Variants in CPQ observed in about 807,000 individuals in gnomAD.
CPQ encodes carboxypeptidase Q.
In CPQ, 37 loss-of-function variants were observed where a neutral mutation model predicts 45.7. The observed-to-expected ratio is 0.81, with a 90% CI of 0.62 to 1.07. The LOEUF (loss-of-function observed/expected upper bound fraction) is 1.07, where lower values mean the gene tolerates loss of function less well. CPQ is among the 50% of genes least tolerant of loss of function. The pLI is 0.00. For synonymous variants in CPQ, 186 were observed against 205.8 expected (o/e 0.90, Z 0.82); for missense variants, 537 against 572.9 (o/e 0.94, Z 0.64).
chr8:97,077,583 C>A (rs1392851879), intron 7 of CPQ, among the ~76,000 whole-genome samples: 1 of 152,178 alleles, frequency 6.6e-6, no homozygotes, highest in Non-Finnish European at 1.5e-5. Context: ...CAAATTTTAA[C>A]TTTTTATAAT....
chr8:97,081,231 A>G (rs1810945198), intron 7 of CPQ, among the ~76,000 whole-genome samples: 1 of 152,166 alleles, frequency 6.6e-6, no homozygotes, highest in Admixed American at 6.6e-5. Flanking sequence ...CACTGCAGAA[A>G]TAAAGCCATT....
chr8:97,027,258 G>A (rs953099804), intron 5 of CPQ, among the ~76,000 whole-genome samples: 7 of 152,026 alleles, frequency 4.6e-5, no homozygotes, highest in African/African-American at 1.7e-4. Flanking sequence ...ATGAATGTGG[G>A]CAGGTGGTTT....
chr8:96,679,686 T>C (rs1481238496), intron 1 of CPQ, among the ~76,000 whole-genome samples: 1 of 152,070 alleles, frequency 6.6e-6, no homozygotes, highest in Non-Finnish European at 1.5e-5. Context: ...TCTAAGTTTT[T>C]CCATTTGTTA....
At chr8:97,065,396 C>T (rs765556584) in intron 6 of CPQ, among the ~76,000 whole-genome samples, 1 of 152,182 alleles carries the variant, frequency 6.6e-6, no homozygotes, top group African/African-American at 2.4e-5. Flanking sequence ...ATTAACAGTG[C>T]TGTGGTTTTA....
At chr8:96,940,812 G>T (rs1285114520) in intron 4 of CPQ, among the ~76,000 whole-genome samples, 2 of 152,026 alleles carry the variant, frequency 1.3e-5, no homozygotes, top group Non-Finnish European at 2.9e-5. Flanking sequence ...AGTCTTCTTT[G>T]GTAATTTAAT....
intron 7 of CPQ, among the ~76,000 whole-genome samples, chr8:97,123,273 G>A (rs918595978): frequency 3.8e-4 from 53 of 139,416 alleles, no homozygotes; most frequent in African/African-American, 1.3e-3. Context: ...AAATAAAATA[G>A]TGAGTAAATA....
intron 7 of CPQ, among the ~76,000 whole-genome samples, chr8:97,127,443 T>G (rs927848462): frequency 5.3e-5 from 8 of 152,176 alleles, no homozygotes; most frequent in African/African-American, 1.9e-4. Flanking sequence ...CTCCCAACAC[T>G]TTGGGAGGCC....
chr8:96,934,629 C>A (rs1206794541), intron 4 of CPQ, among the ~76,000 whole-genome samples: 1 of 152,126 alleles, frequency 6.6e-6, no homozygotes, highest in Admixed American at 6.5e-5. Context: ...GAGCAACCCA[C>A]GTTTTTTGCC....
intron 7 of CPQ, among the ~76,000 whole-genome samples, chr8:97,074,679 G>T (rs1250123287): frequency 6.6e-6 from 1 of 152,136 alleles, no homozygotes; most frequent in African/African-American, 2.4e-5. Flanking sequence ...GCTGAGGCAG[G>T]AGAATCGCTT....
intron 6 of CPQ, among the ~76,000 whole-genome samples, chr8:97,058,271 A>AT (rs1434598030): frequency 6.6e-6 from 1 of 152,018 alleles, no homozygotes; most frequent in Non-Finnish European, 1.5e-5. Context: ...GATGAGTACT[A>AT]TTTTTTTAAA....
intron 1 of CPQ, among the ~76,000 whole-genome samples, chr8:96,763,201 A>G (rs1303672524): frequency 2.6e-5 from 4 of 152,174 alleles, no homozygotes; most frequent in Admixed American, 6.5e-5. Context: ...CTATTTCCAA[A>G]TGCAGTCATA....
intron 2 of CPQ, among the ~76,000 whole-genome samples, chr8:96,817,136 G>A (rs1018419485): frequency 6.6e-6 from 1 of 152,144 alleles, no homozygotes; most frequent in Non-Finnish European, 1.5e-5. Flanking sequence ...AGGCTGTTTT[G>A]TCTACATTGA....
intron 2 of CPQ, among the ~76,000 whole-genome samples, chr8:96,792,548 T>TA (rs1810862103): frequency 6.6e-6 from 1 of 152,204 alleles, no homozygotes; most frequent in African/African-American, 2.4e-5. Flanking sequence ...TATGTTTTAT[T>TA]ATGTTTGTAT....
intron 3 of CPQ, among the ~76,000 whole-genome samples, chr8:96,867,123 G>A (rs1030540017): frequency 6.6e-6 from 1 of 151,960 alleles, no homozygotes; most frequent in Admixed American, 6.6e-5. Context: ...CTGTATTGTG[G>A]CATTTTGTGT....
chr8:96,941,801 G>A (rs1419471026), intron 4 of CPQ, among the ~76,000 whole-genome samples: 1 of 152,150 alleles, frequency 6.6e-6, no homozygotes, highest in Non-Finnish European at 1.5e-5. Flanking sequence ...TTTATTTGAT[G>A]AGATAAGCAC....
chr8:96,687,357 C>G (rs190804717), intron 1 of CPQ, among the ~76,000 whole-genome samples: 1 of 151,936 alleles, frequency 6.6e-6, no homozygotes, highest in East Asian at 1.9e-4. Context: ...GGATTACAGA[C>G]GCACACCACC....
At chr8:97,084,280 A>ATTTCAAAT (rs1811003507) in intron 7 of CPQ, among the ~76,000 whole-genome samples, 1 of 152,162 alleles carries the variant, frequency 6.6e-6, no homozygotes, top group African/African-American at 2.4e-5. Context: ...AACCAGTTTT[A>ATTTCAAAT]TTTCAAATTT....
Position 96,716,108 on chromosome 8 carries a change from T to C in CPQ, c.-34-68756T>C, listed in dbSNP as rs187012614. On this transcript the variant is annotated intron_variant, in intron 1 of 7. Coordinates refer to ENST00000220763, the MANE Select transcript of CPQ (RefSeq NM_016134.4). The stretch of plus-strand genomic sequence containing the variant: ...ACCAGGACCTTCTCATTAGCTAGGG[T>C]GATGCAGGCAATGGTGAAAGCTGAG... Among the ~76,000 whole-genome samples the C allele has an allele frequency of 8.5e-5, 13 of 152,236 alleles. No homozygotes were observed. The East Asian group carries it at 1.5e-3, about 18-fold the overall frequency.
At chr8:96,691,777 G>A (rs2130737614) in intron 1 of CPQ, among the ~76,000 whole-genome samples, 1 of 152,278 alleles carries the variant, frequency 6.6e-6, no homozygotes, top group African/African-American at 2.4e-5. Context: ...AGCCCAGCTA[G>A]TCCTCAGGTT....
Sources: gnomAD v4.1 joint callset for allele counts (sites outside exome capture counted in the v4.1 genomes callset) on GRCh38, gnomAD v4.1.1 for gene constraint, MANE v1.5 for transcripts, NCBI Gene and HGNC (gene_info 2026-07-23, HGNC 2026-07-21) for gene names.